LGSN: variants seen among roughly 807,000 people sequenced by gnomAD.
LGSN encodes lengsin.
Under a neutral mutation model 19.5 loss-of-function variants are expected in LGSN, and 21 were observed. The observed-to-expected ratio is 1.07, with a 90% CI of 0.76 to 1.55. The LOEUF is 1.55. Ranked by LOEUF, LGSN falls within the 40% of genes most tolerant of loss-of-function variation. The pLI, the probability that LGSN is intolerant of heterozygous loss-of-function variation, is 0.00. For synonymous variants in LGSN, 257 were observed against 215.6 expected, an observed-to-expected ratio of 1.19 and a Z score of -1.68; for missense variants, 673 against 608.5, an observed-to-expected ratio of 1.11 and a Z score of -1.12.
the LGSN span, among the ~76,000 whole-genome samples, chr6:63,440,407 C>T: frequency 2.6e-5 from 4 of 152,326 alleles, no homozygotes; most frequent in Admixed American, 1.3e-4. Flanking sequence ...TCTCACTTTG[C>T]TGAGAATTCC....
At chr6:63,471,179 T>A in the LGSN span, among the ~76,000 whole-genome samples, 1 of 151,288 alleles carries the variant, frequency 6.6e-6, no homozygotes, top group Non-Finnish European at 1.5e-5. Context: ...GGTTTTGCCA[T>A]GTTAGTCAAG....
the LGSN span, among the ~76,000 whole-genome samples, chr6:63,415,680 G>A: frequency 6.6e-6 from 1 of 152,204 alleles, no homozygotes; most frequent in Non-Finnish European, 1.5e-5. Context: ...GGGACAGAAA[G>A]CCTAACCATA....
chr6:63,553,116 T>C, the LGSN span, among the ~76,000 whole-genome samples: 1 of 152,202 alleles, frequency 6.6e-6, no homozygotes, highest in Non-Finnish European at 1.5e-5. Context: ...TGTATATTGA[T>C]TATATTCAAA....
chr6:63,455,103 A>G, the LGSN span, among the ~76,000 whole-genome samples: 2 of 152,024 alleles, frequency 1.3e-5, no homozygotes, highest in South Asian at 4.1e-4. Flanking sequence ...AAGTTTTTAC[A>G]TTTTCTATAA....
Position 63,280,403 on chromosome 6 carries a change from G to C in LGSN, c.1148C>G (p.Thr383Arg), listed in dbSNP as rs1767249308. Residue 383 changes from threonine (T) to arginine (R), a missense_variant, in exon 4 of 4, where the codon ACA (threonine) becomes AGA (arginine). By Grantham distance (71) the Thr-to-Arg change is moderately conservative. Transcript: ENST00000370657. ...RKDLKKSVPT[T>R]WGYNDNSCIF... ...ACAGCTGTTGTCATTGTATCCCCAT[G>C]TTGTAGGCACACTCTTCTTCAGGTC... 1.9e-6 allele frequency: 3 copies of C among 1,614,004 alleles called. No individual in the cohort carries two copies. Among genetic ancestry groups the C allele is most frequent in the Non-Finnish European group, 2.5e-6 (3 of 1,180,026 alleles).
chr6:63,280,094 G>A lies in LGSN; in HGVS notation c.1457C>T (p.Ala486Val), dbSNP rs62414973. ...ATTCTCCAACTCATATTTCTTCATG[G>A]CAACAAAATATCGAATAAAGGTTTC... ...LGETFIRYFVAMKKYELENEE... is the reference protein window; with the variant it reads ...LGETFIRYFVVMKKYELENEE... The change falls in exon 4 of 4, where the codon GCC becomes GTC. Residue 486 changes from alanine to valine, a missense_variant. Transcript: ENST00000370657. The A allele has an allele frequency of 6.2e-7, 1 of 1,613,530 alleles. No individual in the cohort carries two copies. The highest frequency in any genetic ancestry group is 8.5e-7 in the Non-Finnish European group (1 of 1,179,718).
chr6:63,487,915 G>A, the LGSN span, among the ~76,000 whole-genome samples: 1 of 151,938 alleles, frequency 6.6e-6, no homozygotes, highest in Non-Finnish European at 1.5e-5. Flanking sequence ...AAGAGATGGA[G>A]GTTGCAGTGA....
chr6:63,343,576 C>G, the LGSN span, among the ~76,000 whole-genome samples: 2 of 152,166 alleles, frequency 1.3e-5, no homozygotes, highest in South Asian at 4.1e-4. Context: ...ACTCAAGCAG[C>G]AAGGAAGAGT....
At chr6:63,543,625 G>A in the LGSN span, among the ~76,000 whole-genome samples, 5 of 152,138 alleles carry the variant, frequency 3.3e-5, no homozygotes, top group African/African-American at 1.2e-4. Flanking sequence ...TGGAAAGAAG[G>A]TTGTGACCTA....
the LGSN span, among the ~76,000 whole-genome samples, chr6:63,442,785 C>T: frequency 6.6e-6 from 1 of 152,132 alleles, no homozygotes; most frequent in Admixed American, 6.6e-5. Flanking sequence ...CTGATTGGTG[C>T]ATCCACAAAC....
chr6:63,282,727 AG>A (rs1242771725), intron 3 of LGSN, among the ~76,000 whole-genome samples: 1 of 152,230 alleles, frequency 6.6e-6, no homozygotes, highest in Non-Finnish European at 1.5e-5. Context: ...AAGTTGAGTG[AG>A]CCAAACACCA....
the LGSN span, among the ~76,000 whole-genome samples, chr6:63,513,762 T>G: frequency 6.6e-6 from 1 of 151,710 alleles, no homozygotes; most frequent in East Asian, 1.9e-4. Context: ...AATACAAAAA[T>G]TAGCTGGGTG....
At chr6:63,305,208 T>C (rs377476690) in intron 1 of LGSN, among the ~76,000 whole-genome samples, 7 of 152,148 alleles carry the variant, frequency 4.6e-5, no homozygotes, top group African/African-American at 1.7e-4. Context: ...CTCTAACCCT[T>C]ACAAAAAATT....
At chr6:63,468,817 C>T in the LGSN span, among the ~76,000 whole-genome samples, 11 of 151,724 alleles carry the variant, frequency 7.3e-5, no homozygotes, top group Admixed American at 2.0e-4. Context: ...GGCACGGTCT[C>T]GGCTCACAGC....
chr6:63,346,536 T>C, the LGSN span, among the ~76,000 whole-genome samples: 1 of 151,996 alleles, frequency 6.6e-6, no homozygotes, highest in African/African-American at 2.4e-5. Context: ...TCCTTTATAA[T>C]AAACTGGCAA....
chr6:63,377,893 G>A, the LGSN span, among the ~76,000 whole-genome samples: 3 of 124,950 alleles, frequency 2.4e-5, no homozygotes, highest in African/African-American at 6.2e-5. Flanking sequence ...CAGCCTGGGC[G>A]ACAGAGAGAG....
At chr6:63,426,922 C>T in the LGSN span, among the ~76,000 whole-genome samples, 1 of 152,100 alleles carries the variant, frequency 6.6e-6, no homozygotes, top group African/African-American at 2.4e-5. Flanking sequence ...ATCAATGTGT[C>T]CTGTCTTTTC....
At chr6:63,542,049 G>A in the LGSN span, among the ~76,000 whole-genome samples, 1 of 151,440 alleles carries the variant, frequency 6.6e-6, no homozygotes, top group Non-Finnish European at 1.5e-5. Context: ...GTGTGTGTGT[G>A]TGTGTGTGTG....
At chr6:63,308,867 G>GA (rs544525998) in intron 1 of LGSN, among the ~76,000 whole-genome samples, 10 of 152,050 alleles carry the variant, frequency 6.6e-5, no homozygotes, top group Middle Eastern at 3.4e-3. Context: ...GTTCTTCAAA[G>GA]AAAAAAGAAA....
Sources: gnomAD v4.1 joint callset for allele counts (sites outside exome capture counted in the v4.1 genomes callset) on GRCh38, gnomAD v4.1.1 for gene constraint, MANE v1.5 for transcripts, NCBI Gene and HGNC (gene_info 2026-07-23, HGNC 2026-07-21) for gene names.